SNX30: variants seen among roughly 807,000 people sequenced by gnomAD.
SNX30 encodes the protein sorting nexin-30.
In SNX30, 24 loss-of-function variants were observed where a neutral mutation model predicts 46.4. The observed-to-expected ratio is 0.52, with a 90% confidence interval of 0.37 to 0.73. The LOEUF is 0.73. SNX30 is among the 30% of genes least tolerant of loss of function. The pLI, the probability that SNX30 is intolerant of heterozygous loss-of-function variation, is 0.00. For missense variants in SNX30, 533 were observed against 555.7 expected (o/e 0.96, Z 0.41); for synonymous variants, 189 against 211.5 (o/e 0.89, Z 0.92).
chr9:112,821,683 T>C (rs951946556), intron 3 of SNX30, among the ~76,000 whole-genome samples: 20 of 152,000 alleles, frequency 1.3e-4, no homozygotes, highest in Non-Finnish European at 2.6e-4. Flanking sequence ...AAACAGGGTT[T>C]CACCATGTTA....
rs1053235979 is a variant in SNX30 at position 112,866,764 on chromosome 9, C to T, written c.1255-2020C>T. On this transcript the variant is annotated intron_variant, in intron 8 of 8. Coordinates refer to ENST00000374232, the MANE Select transcript of SNX30 (RefSeq NM_001012994.2). ...ACATCCTCAGAACTCCTCCTGCCTCCTCAGAACTCCTCCTACCTCCTCAGA... is the reference window on the plus strand; with the variant it reads ...ACATCCTCAGAACTCCTCCTGCCTCTTCAGAACTCCTCCTACCTCCTCAGA... 2.7e-5 allele frequency among the ~76,000 whole-genome samples: 4 copies of T among 150,730 alleles called. No homozygotes were observed. The South Asian group carries it at 8.4e-4, about 32-fold the overall frequency.
Position 112,830,735 on chromosome 9 carries a change from A to C in SNX30, c.470A>C (p.Glu157Ala). 1 of 1,609,662 alleles carries C rather than the reference A, an allele frequency of 6.2e-7. No individual in the cohort carries two copies. ...TTCATGTCTTCATAGCCTCTTCCCGAGAAGTTTGTGGTAAAAGGTGTTGTG... is the reference window on the plus strand; with the variant it reads ...TTCATGTCTTCATAGCCTCTTCCCGCGAAGTTTGTGGTAAAAGGTGTTGTG... Reference protein sequence around the residue: ...QPTHLIPPLPEKFVVKGVVDR... With the variant: ...QPTHLIPPLPAKFVVKGVVDR... Residue 157 changes from glutamate to alanine, a missense_variant, in exon 4 of 9, where the codon GAG (glutamate) becomes GCG (alanine). Physicochemically the swap from Glu to Ala is moderately radical, Grantham distance 107. Coordinates refer to ENST00000374232, the MANE Select transcript of SNX30 (RefSeq NM_001012994.2).
intron 1 of SNX30, among the ~76,000 whole-genome samples, chr9:112,798,096 T>C (rs1337901907): frequency 6.9e-6 from 1 of 145,912 alleles, no homozygotes; most frequent in Non-Finnish European, 1.5e-5. Context: ...GAGCTTTCCT[T>C]GTTGAGGTTT....
chr9:112,868,106 G>C (rs1278028702), intron 8 of SNX30, among the ~76,000 whole-genome samples: 2 of 152,178 alleles, frequency 1.3e-5, no homozygotes, highest in African/African-American at 4.8e-5. Context: ...TTTAACCTGA[G>C]TCTTGTCTTC....
chr9:112,778,270 C>CT (rs1001151120), intron 1 of SNX30, among the ~76,000 whole-genome samples: 29,157 of 123,348 alleles, frequency 0.24, 4,616 homozygotes, highest in Admixed American at 0.31. Context: ...GGCCATATTC[C>CT]TTTTTTTTTT....
downstream of SNX30, chr9:112,877,298 GCAC>G (rs1227273745): frequency 1.3e-5 from 2 of 152,234 alleles, no homozygotes; most frequent in Admixed American, 6.5e-5. Context: ...AGTTTATATA[GCAC>G]GGTCAATGTG....
chr9:112,862,155 G>T (rs1029842954), intron 7 of SNX30, among the ~76,000 whole-genome samples: 1 of 152,132 alleles, frequency 6.6e-6, no homozygotes, highest in Non-Finnish European at 1.5e-5. Flanking sequence ...GATTTTTCTG[G>T]GTCAGTCAGA....
chr9:112,866,966 T>TATTC (rs1305037986), intron 8 of SNX30, among the ~76,000 whole-genome samples: 1 of 143,202 alleles, frequency 7.0e-6, no homozygotes. Context: ...TCCTCAGAAC[T>TATTC]CCTCCTCCTT....
intron 7 of SNX30, among the ~76,000 whole-genome samples, chr9:112,857,809 C>CATCTATCT (rs796770866): frequency 2.0e-5 from 3 of 151,592 alleles, no homozygotes; most frequent in Non-Finnish European, 4.4e-5. Context: ...TCCATCCATC[C>CATCTATCT]ATCTATCTAT....
intron 1 of SNX30, among the ~76,000 whole-genome samples, chr9:112,783,828 T>C (rs1839881482): frequency 1.3e-5 from 2 of 152,138 alleles, no homozygotes; most frequent in Non-Finnish European, 2.9e-5. Flanking sequence ...TTGAATCAGG[T>C]ATCACTGAAG....
chr9:112,849,051 T>A (rs1183458151), intron 6 of SNX30, among the ~76,000 whole-genome samples: 1 of 152,192 alleles, frequency 6.6e-6, no homozygotes, highest in East Asian at 1.9e-4. Flanking sequence ...AGCGCTAGTC[T>A]GGATATGTGG....
In SNX30 at chr9:112,855,548, C is replaced by A. The variant is rs562064705; in HGVS notation, c.1101+4603C>A. 1.7e-4 allele frequency among the ~76,000 whole-genome samples: 26 copies of A among 152,322 alleles called. No homozygotes were observed. In the South Asian group the frequency reaches 3.7e-3, roughly 22 times the overall value. On this transcript the variant is annotated intron_variant, in intron 7 of 8. Coordinates refer to ENST00000374232, the MANE Select transcript of SNX30 (RefSeq NM_001012994.2). ...AGGAAGTGGCCTCATGTCTTCACAACCTTCCCTGTGAATTTCAACGTGGGG... is the reference window on the plus strand; with the variant it reads ...AGGAAGTGGCCTCATGTCTTCACAAACTTCCCTGTGAATTTCAACGTGGGG...
intron 4 of SNX30, among the ~76,000 whole-genome samples, chr9:112,831,832 C>G (rs1303884389): frequency 1.3e-5 from 2 of 152,220 alleles, no homozygotes; most frequent in African/African-American, 2.4e-5. Flanking sequence ...GTGCTGTGCT[C>G]TCGCTGTCTG....
chr9:112,832,489 T>TGAGAGAGAGAGA (rs1483192667), intron 4 of SNX30, among the ~76,000 whole-genome samples: 2 of 136,004 alleles, frequency 1.5e-5, no homozygotes, highest in Admixed American at 7.7e-5. Flanking sequence ...TGTGTGTGTG[T>TGAGAGAGAGAGA]GTGTGTGAGA....
chr9:112,826,920 C>T (rs1308994739), intron 3 of SNX30, among the ~76,000 whole-genome samples: 1 of 152,214 alleles, frequency 6.6e-6, no homozygotes, highest in Non-Finnish European at 1.5e-5. Flanking sequence ...CTGTCTGATC[C>T]AGCACTGCAT....
intron 6 of SNX30, among the ~76,000 whole-genome samples, chr9:112,840,021 T>A (rs1840829652): frequency 6.6e-6 from 1 of 152,242 alleles, no homozygotes; most frequent in South Asian, 2.1e-4. Context: ...TTCTCCTTGT[T>A]CCGTCTTGTC....
intron 4 of SNX30, among the ~76,000 whole-genome samples, chr9:112,833,271 C>T (rs1840698064): frequency 6.6e-6 from 1 of 151,370 alleles, no homozygotes; most frequent in Non-Finnish European, 1.5e-5. Context: ...CTGAGATGAG[C>T]CACTTACGTG....
chr9:112,834,497 G>C (rs1056498464), intron 4 of SNX30, among the ~76,000 whole-genome samples: 1 of 152,150 alleles, frequency 6.6e-6, no homozygotes, highest in Admixed American at 6.5e-5. Context: ...TGGGCGAGGC[G>C]TGGGGGAAGG....
chr9:112,771,813 G>C (rs945492788), intron 1 of SNX30, among the ~76,000 whole-genome samples: 3 of 152,188 alleles, frequency 2.0e-5, no homozygotes, highest in Admixed American at 6.5e-5. Context: ...AGGCTAAACT[G>C]TGACAAAGGG....
Sources: gnomAD v4.1 joint callset for allele counts (sites outside exome capture counted in the v4.1 genomes callset) on GRCh38, gnomAD v4.1.1 for gene constraint, MANE v1.5 for transcripts, NCBI Gene and HGNC (gene_info 2026-07-23, HGNC 2026-07-21) for gene names.